ERCC6L2: variants seen among roughly 807,000 people sequenced by gnomAD.
The protein encoded by ERCC6L2 is ERCC excision repair 6 like 2.
ERCC6L2 carries 77 observed loss-of-function variants against 132.0 expected under a neutral mutation model. The ratio of observed to expected loss-of-function variants is 0.58; its 90% confidence interval spans 0.49 to 0.71. The LOEUF is 0.71. Ranked by LOEUF, ERCC6L2 falls within the 30% of genes least tolerant of loss-of-function variation. ERCC6L2 has a pLI of 0.00. For missense variants in ERCC6L2, 1,542 were observed against 1,837.6 expected (o/e 0.84, Z 2.94); for synonymous variants, 583 against 632.4 (o/e 0.92, Z 1.17).
intron 17 of ERCC6L2, among the ~76,000 whole-genome samples, chr9:95,981,842 C>T (rs1832905831): frequency 6.6e-6 from 1 of 152,140 alleles, no homozygotes. Flanking sequence ...TGTACAAAGA[C>T]AGCCTTCAAT....
intron 12 of ERCC6L2, among the ~76,000 whole-genome samples, chr9:95,954,173 T>A (rs1587970264): frequency 6.6e-6 from 1 of 152,224 alleles, no homozygotes; most frequent in Non-Finnish European, 1.5e-5. Context: ...TCTGAATCCA[T>A]GTGGTCTTAC....
At chr9:95,909,541 A>G (rs185614401) in intron 4 of ERCC6L2, among the ~76,000 whole-genome samples, 294 of 152,300 alleles carry the variant, frequency 1.9e-3, no homozygotes, top group Admixed American at 3.0e-3. Context: ...GAGCATGTCA[A>G]TGGTATTATA....
rs1832361483 is a variant in ERCC6L2, at chr9:95,970,462, C to A, written c.2101-114C>A. 1.2e-5 allele frequency: 4 copies of A among 347,346 alleles called. No individual in the cohort carries two copies. In the South Asian group the frequency reaches 1.7e-4, roughly 15 times the overall value. 21.5% of individuals were successfully genotyped at this position (347,346 alleles called of 1,614,324 possible). A position where few individuals can be genotyped will look rare whatever the true frequency, so the allele number is the denominator to read the frequency against. On this transcript the variant is annotated intron_variant, in intron 14 of 18. Transcript: ENST00000653738. ...ACATTAAGAATGCTAAAGCAAGCTG[C>A]ATGCAATTTTTCTTTCTTAGCTCCA...
chr9:95,895,925 A>G (rs1244444495), intron 2 of ERCC6L2, among the ~76,000 whole-genome samples: 1 of 151,972 alleles, frequency 6.6e-6, no homozygotes, highest in Non-Finnish European at 1.5e-5. Flanking sequence ...ACGGGGTTTC[A>G]CCGTGTTAGC....
intron 13 of ERCC6L2, among the ~76,000 whole-genome samples, chr9:95,964,107 C>G (rs563566895): frequency 6.6e-6 from 1 of 152,304 alleles, no homozygotes; most frequent in Non-Finnish European, 1.5e-5. Flanking sequence ...TCAGCTACCA[C>G]TATAATGGTT....
intron 3 of ERCC6L2, among the ~76,000 whole-genome samples, chr9:95,899,768 G>C (rs1828673493): frequency 6.6e-6 from 1 of 151,844 alleles, no homozygotes; most frequent in South Asian, 2.1e-4. Flanking sequence ...ATATAAAATA[G>C]TGTATTTGCA....
intron 2 of ERCC6L2, among the ~76,000 whole-genome samples, chr9:95,890,764 C>A (rs1342832180): frequency 6.6e-6 from 1 of 152,058 alleles, no homozygotes; most frequent in East Asian, 1.9e-4. Context: ...ACCTCCTGGG[C>A]TCAAGTGATC....
At chr9:95,909,005 A>G (rs1829215685) in intron 4 of ERCC6L2, among the ~76,000 whole-genome samples, 1 of 152,200 alleles carries the variant, frequency 6.6e-6, no homozygotes, top group African/African-American at 2.4e-5. Context: ...GGCTTTGGGT[A>G]AATTAGCCCA....
At position 95,936,197 on chromosome 9, in the gene ERCC6L2, G is replaced by C. The variant is rs183909393; in HGVS notation, c.1752-5257G>C. Among the ~76,000 whole-genome samples the C allele has an allele frequency of 3.8e-3, 585 of 152,308 alleles. 4 individuals are homozygous for C. The highest frequency in any genetic ancestry group is 0.012 in the African/African-American group (512 of 41,574). Reference sequence around the variant, plus strand: ...AAAGGGAAGTAGTCATGGAGAAGAAGAAGTCTATAGTGATACTTAGCATGG... The same window carrying C: ...AAAGGGAAGTAGTCATGGAGAAGAACAAGTCTATAGTGATACTTAGCATGG... On this transcript the variant is annotated intron_variant, in intron 11 of 18. Coordinates refer to ENST00000653738, the MANE Select transcript of ERCC6L2 (RefSeq NM_020207.7).
chr9:95,914,917 C>A (rs377335793), intron 4 of ERCC6L2, among the ~76,000 whole-genome samples: 39 of 152,032 alleles, frequency 2.6e-4, no homozygotes, highest in Middle Eastern at 6.8e-3. Flanking sequence ...GGTCTGTGAT[C>A]TGTTTTTAGT....
chr9:96,039,059 G>A, exon 20 of ERCC6L2: 1 of 394,782 alleles, frequency 2.5e-6, no homozygotes, highest in South Asian at 1.8e-5. Flanking sequence ...TCATGGTCCT[G>A]GCTGACATCT....
chr9:95,998,962 CA>C (rs1833561246), intron 17 of ERCC6L2, among the ~76,000 whole-genome samples: 1 of 152,156 alleles, frequency 6.6e-6, no homozygotes, highest in African/African-American at 2.4e-5. Flanking sequence ...TTTTGTTTCA[CA>C]GCCTTGTTTC....
In ERCC6L2 at chr9:95,972,614, A is replaced by G; in HGVS notation, c.2863A>G (p.Ile955Val). The G allele has an allele frequency of 7.7e-7, 1 of 1,290,328 alleles. No homozygotes were observed. Among genetic ancestry groups the G allele is most frequent in the Non-Finnish European group, 1.0e-6 (1 of 988,624 alleles). 79.9% of individuals were successfully genotyped at this position (1,290,328 alleles called of 1,614,324 possible). ...SRNTDDKRNG[I>V]ISKKLSPENT... ...AAACACTGATGACAAAAGAAATGGA[A>G]TAATTTCAAAAAAGTTAAGTCCTGA... The change falls in exon 16 of 19, where the codon ATA (isoleucine) becomes GTA (valine). Residue 955 changes from isoleucine to valine, a missense_variant. Physicochemically the swap from Ile to Val is conservative, Grantham distance 29. Coordinates refer to ENST00000653738, the MANE Select transcript of ERCC6L2 (RefSeq NM_020207.7).
Position 95,922,306 on chromosome 9 carries a change from C to G in ERCC6L2, c.1301C>G (p.Thr434Ser). The G allele has an allele frequency of 1.9e-6, 3 of 1,580,978 alleles. No individual in the cohort carries two copies. The South Asian group carries it at 3.3e-5, about 18-fold the overall frequency. ...TTTTCTATATTTTTCTGGTTACAGA[C>G]CAATTCTCATGGTGAAACAGTGAAA... ...GQKRRNCCYKTNSHGETVKTL... is the reference protein window; with the variant it reads ...GQKRRNCCYKSNSHGETVKTL... The change falls in exon 8 of 19, where the codon ACC becomes AGC. Residue 434 changes from threonine (T) to serine (S), a missense_variant and splice_region_variant. Physicochemically the swap from Thr to Ser is moderately conservative, Grantham distance 58. Around this residue, in one of 4 missense-constraint regions of ERCC6L2, gnomAD observed 945 missense variants for 1,105.2 expected, o/e 0.86. Transcript: ENST00000653738.
intron 3 of ERCC6L2, among the ~76,000 whole-genome samples, chr9:95,902,404 C>T (rs56266508): frequency 0.32 from 49,048 of 151,920 alleles, 8,415 homozygotes; most frequent in African/African-American, 0.42. Flanking sequence ...GCAATCACAA[C>T]ACCAGCATCG....
chr9:96,002,360 A>G (rs1206235983), intron 17 of ERCC6L2, among the ~76,000 whole-genome samples: 1 of 151,242 alleles, frequency 6.6e-6, no homozygotes, highest in Non-Finnish European at 1.5e-5. Context: ...CGTGTTGAAG[A>G]TATCCCATTT....
Position 95,926,210 on chromosome 9 carries a change from A to G in ERCC6L2, c.1534-1869A>G, listed in dbSNP as rs891116434. ...CTCACAAAGCTCTTAACTAAAAAATATTACCTTAAATAGTCTTACTATATG... is the reference window on the plus strand; with the variant it reads ...CTCACAAAGCTCTTAACTAAAAAATGTTACCTTAAATAGTCTTACTATATG... On this transcript the variant is annotated intron_variant, in intron 9 of 18. Transcript: ENST00000653738. Among the ~76,000 whole-genome samples, 11 of 152,212 alleles carry G rather than the reference A, an allele frequency of 7.2e-5. No homozygotes were observed. In the East Asian group the frequency reaches 2.1e-3, roughly 29 times the overall value.
rs1242075153 is a variant in ERCC6L2, at chr9:95,972,857, C to G, written c.3106C>G (p.Gln1036Glu). 7.7e-7 allele frequency: 1 copy of G among 1,305,024 alleles called. No homozygotes were observed. The highest frequency in any genetic ancestry group is 2.3e-5 in the Admixed American group (1 of 43,536). 80.8% of individuals were successfully genotyped at this position (1,305,024 alleles called of 1,614,324 possible). ...TGCAGCAAATGAGGATCATAACTCT[C>G]AGTTTATTGATGATTATTCATCCTC... The part of the protein sequence containing the change: ...VYAANEDHNS[Q>E]FIDDYSSSDE... Residue 1036 changes from glutamine (Q) to glutamate (E), a missense_variant, in exon 16 of 19, where the codon CAG (glutamine) becomes GAG (glutamate). Gln to Glu is a conservative substitution (Grantham distance 29, BLOSUM62 2). Coordinates refer to ENST00000653738, the MANE Select transcript of ERCC6L2 (RefSeq NM_020207.7).
At chr9:95,971,333 G>GT (rs2133074866) in intron 15 of ERCC6L2, among the ~76,000 whole-genome samples, 1 of 152,226 alleles carries the variant, frequency 6.6e-6, no homozygotes, top group East Asian at 1.9e-4. Flanking sequence ...TATTTTACTA[G>GT]TAGAGCCTCA....
Sources: allele counts gnomAD v4.1 joint callset (sites outside exome capture counted in the v4.1 genomes callset), GRCh38; gene constraint gnomAD v4.1.1; regional missense constraint gnomAD v4.1.1; transcripts MANE v1.5; gene names NCBI Gene and HGNC (gene_info 2026-07-23, HGNC 2026-07-21).